CFAP299: variants seen among roughly 807,000 people sequenced by gnomAD.
CFAP299 encodes cilia and flagella associated protein 299, also known as cilia- and flagella-associated protein 299.
A neutral mutation model predicts 27.0 loss-of-function variants in CFAP299; 21 were observed. The observed-to-expected ratio is 0.78, with a 90% CI of 0.55 to 1.12. The LOEUF (loss-of-function observed/expected upper bound fraction) is 1.12, where lower values mean the gene tolerates loss of function less well. Among genes scored for constraint, CFAP299 ranks in the 50% most tolerant of loss-of-function variants. CFAP299 has a pLI of 0.00. For synonymous variants in CFAP299, 104 were observed against 98.1 expected, an observed-to-expected ratio of 1.06 and a Z score of -0.36; for missense variants, 310 against 276.6, an observed-to-expected ratio of 1.12 and a Z score of -0.86.
chr4:80,463,492 C>G (rs897676050), intron 2 of CFAP299, among the ~76,000 whole-genome samples: 3 of 152,168 alleles, frequency 2.0e-5, no homozygotes, highest in African/African-American at 7.2e-5. Context: ...GCTGCCGTAA[C>G]AAAATACTAC....
At chr4:80,457,181 G>A (rs1297854975) in intron 2 of CFAP299, among the ~76,000 whole-genome samples, 1 of 152,110 alleles carries the variant, frequency 6.6e-6, no homozygotes, top group African/African-American at 2.4e-5. Context: ...CCACTAAATT[G>A]AAGGACAAGA....
the CFAP299 span, among the ~76,000 whole-genome samples, chr4:80,329,763 A>T: frequency 6.6e-6 from 1 of 152,072 alleles, no homozygotes; most frequent in African/African-American, 2.4e-5. Context: ...AATCTTGAGT[A>T]CCTGACGAGC....
At chr4:80,645,071 A>C (rs956349644) in intron 3 of CFAP299, among the ~76,000 whole-genome samples, 1 of 151,946 alleles carries the variant, frequency 6.6e-6, no homozygotes, top group Non-Finnish European at 1.5e-5. Context: ...AGAGTACCTT[A>C]CTTTAAGGTC....
chr4:80,747,009 G>T (rs1724649021), intron 3 of CFAP299, among the ~76,000 whole-genome samples: 2 of 152,044 alleles, frequency 1.3e-5, no homozygotes, highest in Non-Finnish European at 2.9e-5. Flanking sequence ...TAGGTTCAAT[G>T]GAAATTGGGC....
At chr4:80,608,828 C>A (rs1224788418) in intron 3 of CFAP299, among the ~76,000 whole-genome samples, 1 of 150,428 alleles carries the variant, frequency 6.6e-6, no homozygotes, top group African/African-American at 2.4e-5. Context: ...GGTTAGAATT[C>A]TTGTGTAAAA....
intron 2 of CFAP299, among the ~76,000 whole-genome samples, chr4:80,539,909 A>G (rs1733920369): frequency 6.6e-6 from 1 of 152,164 alleles, no homozygotes; most frequent in Admixed American, 6.5e-5. Flanking sequence ...AAGATGAGGG[A>G]AGCAAGCCGA....
chr4:80,577,496 A>T (rs916202890), intron 2 of CFAP299, among the ~76,000 whole-genome samples: 8 of 131,022 alleles, frequency 6.1e-5, no homozygotes, highest in Non-Finnish European at 1.2e-4. Flanking sequence ...TCTGCCTCCC[A>T]GGTTCAAGCG....
At chr4:80,586,403 A>G (rs1736441131) in intron 3 of CFAP299, among the ~76,000 whole-genome samples, 1 of 152,166 alleles carries the variant, frequency 6.6e-6, no homozygotes, top group Non-Finnish European at 1.5e-5. Context: ...AGATAGTTGA[A>G]ACAGTTCTTT....
In CFAP299 at chr4:80,900,123, A is replaced by AGAGTGT. The variant is rs1553904499; in HGVS notation, c.476+29989_476+29990insAGTGTG. 8.6e-5 allele frequency among the ~76,000 whole-genome samples: 12 copies of AGAGTGT among 139,896 alleles called. 1 individual carries two copies. The highest frequency in any genetic ancestry group is 3.2e-4 in the African/African-American group (12 of 37,406). 91.8% of individuals were successfully genotyped at this position (139,896 alleles called of 152,430 possible). ...AATAAATGACATAAAAGTGGAAGAA[A>AGAGTGT]GTGTGTGTGTGTGTGTGTGTGTGTG... On this transcript the variant is annotated intron_variant, in intron 4 of 5. Transcript: ENST00000358105.
chr4:80,787,815 C>T (rs1432079392), intron 3 of CFAP299, among the ~76,000 whole-genome samples: 1 of 151,642 alleles, frequency 6.6e-6, no homozygotes, highest in Non-Finnish European at 1.5e-5. Context: ...GGAGTTTTTC[C>T]CTATCTATTT....
At chr4:80,438,228 T>C (rs1728186926) in intron 2 of CFAP299, among the ~76,000 whole-genome samples, 1 of 152,192 alleles carries the variant, frequency 6.6e-6, no homozygotes, top group South Asian at 2.1e-4. Context: ...AGATAACATT[T>C]GAATAAAAAC....
chr4:80,755,269 G>T (rs1725171003), intron 3 of CFAP299, among the ~76,000 whole-genome samples: 1 of 151,946 alleles, frequency 6.6e-6, no homozygotes, highest in African/African-American at 2.4e-5. Flanking sequence ...TGTAAAATTG[G>T]CTCCTATAGA....
intron 3 of CFAP299, among the ~76,000 whole-genome samples, chr4:80,699,283 A>C (rs1002007139): frequency 6.6e-6 from 1 of 151,870 alleles, no homozygotes; most frequent in African/African-American, 2.4e-5. Flanking sequence ...GGCATAGCAG[A>C]CTCCTCTGAT....
At chr4:80,698,233 A>G (rs982323749) in intron 3 of CFAP299, among the ~76,000 whole-genome samples, 2 of 152,208 alleles carry the variant, frequency 1.3e-5, no homozygotes, top group Non-Finnish European at 2.9e-5. Context: ...GTTTAAAGAC[A>G]TTAACAGAGT....
intron 3 of CFAP299, among the ~76,000 whole-genome samples, chr4:80,808,650 A>G (rs1185251973): frequency 6.6e-6 from 1 of 152,124 alleles, no homozygotes; most frequent in Non-Finnish European, 1.5e-5. Flanking sequence ...TAAAATAGGC[A>G]TTTCAAAAAC....
chr4:80,954,227 CCA>C (rs1481156269), intron 5 of CFAP299, among the ~76,000 whole-genome samples: 4 of 152,158 alleles, frequency 2.6e-5, no homozygotes, highest in Non-Finnish European at 5.9e-5. Context: ...AGGTGCAAGA[CCA>C]CAGTTGAGGG....
At chr4:80,835,548 A>G (rs57084911) in intron 3 of CFAP299, among the ~76,000 whole-genome samples, 19,455 of 151,750 alleles carry the variant, frequency 0.13, 1,445 homozygotes, top group African/African-American at 0.21. Flanking sequence ...TTGGTTCCCA[A>G]TGATATCAGG....
At chr4:80,387,893 C>T (rs923718122) in intron 2 of CFAP299, 38 of 971,780 alleles carry the variant, frequency 3.9e-5, no homozygotes, top group African/African-American at 1.3e-4. Flanking sequence ...AAGATGGCCA[C>T]GGTGCCCCCG....
Position 80,512,434 on chromosome 4 carries a change from G to A in CFAP299, c.243-70659G>A, listed in dbSNP as rs1173275478. ...ACTCATGCCGCAACATGCTTATGAAGCACATATGGAAAACCACTCTAAATG... is the reference window on the plus strand; with the variant it reads ...ACTCATGCCGCAACATGCTTATGAAACACATATGGAAAACCACTCTAAATG... On this transcript the variant is annotated intron_variant, in intron 2 of 5. Transcript: ENST00000358105. 2.0e-5 allele frequency among the ~76,000 whole-genome samples: 3 copies of A among 152,186 alleles called. No homozygotes were observed. The South Asian group carries it at 6.2e-4, about 32-fold the overall frequency.
Sources: allele counts gnomAD v4.1 joint callset (sites outside exome capture counted in the v4.1 genomes callset), GRCh38; gene constraint gnomAD v4.1.1; transcripts MANE v1.5; gene names NCBI Gene and HGNC (gene_info 2026-07-23, HGNC 2026-07-21).